The following LRRC8D variants were observed in gnomAD, a reference collection of about 807,000 sequenced individuals.
LRRC8D encodes the protein volume-regulated anion channel subunit LRRC8D.
A neutral mutation model predicts 55.8 loss-of-function variants in LRRC8D; 20 were observed. The observed-to-expected ratio is 0.36, with a 90% confidence interval of 0.25 to 0.52. LRRC8D has a LOEUF of 0.52. Among genes scored for constraint, LRRC8D ranks in the 20% least tolerant of loss-of-function variants. The pLI is 0.93. For synonymous variants in LRRC8D, 352 were observed against 377.0 expected (o/e 0.93, Z 0.77); for missense variants, 651 against 1,030.8 (o/e 0.63, Z 5.05).
intron 2 of LRRC8D, among the ~76,000 whole-genome samples, chr1:89,932,355 C>A (rs1396245251): frequency 6.6e-6 from 1 of 152,098 alleles, no homozygotes; most frequent in Non-Finnish European, 1.5e-5. Flanking sequence ...AGAGTTTCAG[C>A]TATATATATT....
At chr1:89,848,355 C>A (rs1017545772) in intron 2 of LRRC8D, among the ~76,000 whole-genome samples, 5 of 152,150 alleles carry the variant, frequency 3.3e-5, no homozygotes, top group African/African-American at 1.2e-4. Context: ...AAAGAGGCTT[C>A]CCAATCTTAA....
At chr1:89,877,608 C>A (rs1160571768) in intron 2 of LRRC8D, among the ~76,000 whole-genome samples, 1 of 152,110 alleles carries the variant, frequency 6.6e-6, no homozygotes, top group African/African-American at 2.4e-5. Context: ...CTGGCTAATG[C>A]AGCCTGTTCC....
intron 2 of LRRC8D, among the ~76,000 whole-genome samples, chr1:89,878,563 A>G (rs1172520418): frequency 1.3e-5 from 2 of 152,240 alleles, no homozygotes; most frequent in Admixed American, 6.5e-5. Context: ...CATTGTACTT[A>G]GAGCAGAAGG....
intron 2 of LRRC8D, among the ~76,000 whole-genome samples, chr1:89,897,682 A>G (rs141370088): frequency 3.3e-5 from 5 of 152,286 alleles, no homozygotes; most frequent in African/African-American, 4.8e-5. Context: ...CCTATCAGGC[A>G]TATATTAACT....
At position 89,899,914 on chromosome 1, in the gene LRRC8D, T is replaced by A. The variant is rs539500683; in HGVS notation, c.-2-33153T>A. Among the ~76,000 whole-genome samples the A allele has an allele frequency of 8.7e-4, 132 of 152,356 alleles. 3 individuals are homozygous for A. In the South Asian group the frequency reaches 0.027, roughly 31 times the overall value. On this transcript the variant is annotated intron_variant, in intron 2 of 2. Transcript: ENST00000337338. ...CTAAAGAATATGTGTGATAAAGTCT[T>A]ACAACTATGTATTTATTGCACCCCT...
intron 2 of LRRC8D, among the ~76,000 whole-genome samples, chr1:89,856,818 T>A (rs1159782539): frequency 2.0e-5 from 3 of 152,206 alleles, no homozygotes; most frequent in African/African-American, 7.2e-5. Flanking sequence ...TGGATTAATA[T>A]CCACCACGCT....
chr1:89,830,105 A>C (rs922682062), intron 1 of LRRC8D, among the ~76,000 whole-genome samples: 4 of 152,226 alleles, frequency 2.6e-5, no homozygotes, highest in African/African-American at 9.7e-5. Flanking sequence ...ATAAATATCC[A>C]TGTATCTACA....
intron 2 of LRRC8D, among the ~76,000 whole-genome samples, chr1:89,882,060 C>CA (rs1276995307): frequency 2.6e-5 from 4 of 152,302 alleles, no homozygotes; most frequent in Middle Eastern, 6.8e-3. Flanking sequence ...GATAAGGCCT[C>CA]ACTGCCATCA....
chr1:89,913,255 A>G (rs891494781), intron 2 of LRRC8D, among the ~76,000 whole-genome samples: 1 of 152,230 alleles, frequency 6.6e-6, no homozygotes, highest in Non-Finnish European at 1.5e-5. Flanking sequence ...TGTTATCTCT[A>G]GATGGGCACC....
At chr1:89,842,122 A>C (rs1255430023) in intron 1 of LRRC8D, among the ~76,000 whole-genome samples, 2 of 151,644 alleles carry the variant, frequency 1.3e-5, no homozygotes, top group South Asian at 2.1e-4. Flanking sequence ...CTGAGGCAGG[A>C]GAATCGTTTG....
intron 2 of LRRC8D, among the ~76,000 whole-genome samples, chr1:89,890,933 G>A (rs540189211): frequency 6.6e-6 from 1 of 151,982 alleles, no homozygotes; most frequent in Non-Finnish European, 1.5e-5. Context: ...TCACTCTGGA[G>A]TGCAGTGGGG....
chr1:89,857,382 CAAAAAAAA>C (rs759975883), intron 2 of LRRC8D, among the ~76,000 whole-genome samples: 256 of 63,056 alleles, frequency 4.1e-3, no homozygotes, highest in Middle Eastern at 7.8e-3. Flanking sequence ...AACTCCATCT[CAAAAAAAA>C]AAAAAAAAAA....
chr1:89,843,622 C>T lies in LRRC8D; in HGVS notation c.-147-16C>T, dbSNP rs745359496. Reference sequence around the variant, plus strand: ...GGATCTCTCTAGCTCTTTCTCTCCCCTGTGTTTTCAAACAGGAAGTGCACG... The same window carrying T: ...GGATCTCTCTAGCTCTTTCTCTCCCTTGTGTTTTCAAACAGGAAGTGCACG... On this transcript the variant is annotated splice_polypyrimidine_tract_variant and intron_variant, in intron 1 of 2. Coordinates refer to ENST00000337338, the MANE Select transcript of LRRC8D (RefSeq NM_001134479.2). 1 of 702,354 alleles carries T rather than the reference C, an allele frequency of 1.4e-6. No homozygotes were observed. Among genetic ancestry groups the T allele is most frequent in the South Asian group, 1.5e-5 (1 of 67,578 alleles). The allele number at this position is 702,354 out of a possible 1,614,324, so 43.5% of individuals were successfully genotyped here.
At chr1:89,896,879 G>T (rs1662727618) in intron 2 of LRRC8D, among the ~76,000 whole-genome samples, 1 of 152,144 alleles carries the variant, frequency 6.6e-6, no homozygotes, top group African/African-American at 2.4e-5. Flanking sequence ...ATTACTACTT[G>T]TTGGATGCCT....
At chr1:89,876,327 G>T (rs1020533300) in intron 2 of LRRC8D, among the ~76,000 whole-genome samples, 3 of 152,134 alleles carry the variant, frequency 2.0e-5, no homozygotes, top group Non-Finnish European at 4.4e-5. Context: ...TAAAACCACC[G>T]TGGGGCTCAT....
chr1:89,923,095 G>T (rs920430973), intron 2 of LRRC8D, among the ~76,000 whole-genome samples: 2 of 152,124 alleles, frequency 1.3e-5, no homozygotes, highest in Non-Finnish European at 2.9e-5. Context: ...TTCAACCAAA[G>T]TCCAATAACT....
chr1:89,880,900 A>G (rs987899507), intron 2 of LRRC8D, among the ~76,000 whole-genome samples: 1 of 152,162 alleles, frequency 6.6e-6, no homozygotes, highest in Non-Finnish European at 1.5e-5. Context: ...TATGTAATAC[A>G]TAATATATTT....
At chr1:89,898,199 C>G (rs551180728) in intron 2 of LRRC8D, among the ~76,000 whole-genome samples, 2 of 152,220 alleles carry the variant, frequency 1.3e-5, no homozygotes, top group African/African-American at 4.8e-5. Context: ...CCAGAGTTAA[C>G]TGATGCTGTA....
At position 89,934,252 on chromosome 1, in the gene LRRC8D, A is replaced by G; in HGVS notation, c.1184A>G (p.Tyr395Cys). The G allele has an allele frequency of 6.2e-7, 1 of 1,614,198 alleles. No individual in the cohort carries two copies. The highest frequency in any genetic ancestry group is 8.5e-7 in the Non-Finnish European group (1 of 1,180,018). ...FWLFRIPLKEYSFEKVREESS... is the reference protein window; with the variant it reads ...FWLFRIPLKECSFEKVREESS... ...TTATTCAGGATACCTTTGAAGGAAT[A>G]TTCTTTCGAAAAAGTCAGAGAAGAG... The change falls in exon 3 of 3, where the codon TAT becomes TGT. Residue 395 changes from tyrosine to cysteine, a missense_variant. Physicochemically the swap from Tyr to Cys is radical, Grantham distance 194. Transcript: ENST00000337338. This position sits in a 1 kb window ranked among gnomAD's most constrained non-coding sequence, Gnocchi z 5.9.
Sources: allele counts gnomAD v4.1 joint callset (sites outside exome capture counted in the v4.1 genomes callset), GRCh38; gene constraint gnomAD v4.1.1; non-coding constraint Gnocchi (gnomAD v3.1); transcripts MANE v1.5; gene names NCBI Gene and HGNC (gene_info 2026-07-23, HGNC 2026-07-21).